The following MAP1A variants were observed in gnomAD, a reference collection of about 807,000 sequenced individuals.
MAP1A encodes microtubule associated protein 1A.
Under a neutral mutation model 185.9 loss-of-function variants are expected in MAP1A, and 42 were observed. That is an observed-to-expected ratio of 0.23 (90% CI 0.18 to 0.29). MAP1A has a LOEUF of 0.29. MAP1A is among the 10% of genes least tolerant of loss of function. The pLI is 1.00. For synonymous variants in MAP1A, 1,229 were observed against 1,335.9 expected (o/e 0.92, Z 1.74); for missense variants, 2,995 against 3,450.4 (o/e 0.87, Z 3.31).
rs779878145 is a variant in MAP1A, at chr15:43,530,397, A to G, written c.*173A>G. ...GAGGGGTTGTCCCTCCCCATCATCC[A>G]TTCCTGTGAGGTGTCTCAAACCAAA... On this transcript the variant is annotated 3_prime_UTR_variant, in exon 6 of 6. Transcript: ENST00000300231. The G allele has an allele frequency of 1.6e-5, 12 of 756,210 alleles. No individual in the cohort carries two copies. The highest frequency in any genetic ancestry group is 2.3e-5 in the Non-Finnish European group (11 of 478,782). 46.8% of individuals were successfully genotyped at this position (756,210 alleles called of 1,614,324 possible). A position where few individuals can be genotyped will look rare whatever the true frequency, so the allele number is the denominator to read the frequency against.
chr15:43,519,112 T>G (rs2079310082), intron 1 of MAP1A, among the ~76,000 whole-genome samples: 1 of 152,186 alleles, frequency 6.6e-6, no homozygotes, highest in African/African-American at 2.4e-5. Flanking sequence ...AGCTCTTGTC[T>G]TTCTAAATCT....
chr15:43,524,266 C>G lies in MAP1A; in HGVS notation c.2793C>G (p.Gly931=), dbSNP rs1316369727. 33 of 1,614,060 alleles carry G rather than the reference C, an allele frequency of 2.0e-5. 1 individual carries two copies. The highest frequency in any genetic ancestry group is 8.3e-5 in the Admixed American group (5 of 59,996). The change falls in exon 4 of 6, where the codon GGC becomes GGG. Residue 931 remains glycine (G), a synonymous_variant. Transcript: ENST00000300231. ...SEKRGEIIGK[G]LSGERAVEEE... is the part of the protein sequence containing the mutation. ...AGAGAGGAGAGATCATAGGGAAAGG[C>G]TTGTCTGGAGAGAGAGCTGTGGAAG...
Position 43,523,524 on chromosome 15 carries a change from A to T in MAP1A, c.2051A>T (p.His684Leu). 1.2e-6 allele frequency: 2 copies of T among 1,614,174 alleles called. No individual in the cohort carries two copies. Among genetic ancestry groups the T allele is most frequent in the Non-Finnish European group, 1.7e-6 (2 of 1,180,014 alleles). Residue 684 changes from histidine to leucine, a missense_variant, in exon 4 of 6, where the codon CAT becomes CTT. Around this residue, in one of 3 missense-constraint regions of MAP1A, gnomAD observed 2,728 missense variants for 2,986.0 expected, o/e 0.91. Coordinates refer to ENST00000300231, the MANE Select transcript of MAP1A (RefSeq NM_002373.6). ...AAAGCTGAGGGTTTTTACCAAAAAC[A>T]TATGCAGGAACCCTTGAAGGTAACT... ...ATKAEGFYQK[H>L]MQEPLKVTPR...
chr15:43,523,576 T>A lies in MAP1A; in HGVS notation c.2103T>A (p.Gly701=). The A allele has an allele frequency of 6.2e-7, 1 of 1,613,914 alleles. No homozygotes were observed. Among genetic ancestry groups the A allele is most frequent in the Non-Finnish European group, 8.5e-7 (1 of 1,179,964 alleles). The change falls in exon 4 of 6, where the codon GGT becomes GGA. Residue 701 remains glycine, a synonymous_variant. Coordinates refer to ENST00000300231, the MANE Select transcript of MAP1A (RefSeq NM_002373.6). The part of the protein sequence containing the change: ...VTPRSREAFG[G]RELGLQGKAP... ...CAAGGAGCCGGGAGGCTTTTGGGGGTCGGGAATTGGGACTCCAGGGCAAGG... is the reference window on the plus strand; with the variant it reads ...CAAGGAGCCGGGAGGCTTTTGGGGGACGGGAATTGGGACTCCAGGGCAAGG...
At position 43,526,953 on chromosome 15, in the gene MAP1A, C is replaced by T. The variant is rs763568155; in HGVS notation, c.5480C>T (p.Pro1827Leu). 2.5e-6 allele frequency: 4 copies of T among 1,613,644 alleles called. No homozygotes were observed. Among genetic ancestry groups the T allele is most frequent in the Non-Finnish European group, 3.4e-6 (4 of 1,179,788 alleles). Residue 1827 changes from proline (P) to leucine (L), a missense_variant, in exon 4 of 6, where the codon CCA becomes CTA. Physicochemically the swap from Pro to Leu is moderately conservative, Grantham distance 98. This residue lies in a region of MAP1A where 2,728 missense variants were observed against 2,986.0 expected (regional missense o/e 0.91). Transcript: ENST00000300231. This position sits in a 1 kb window ranked among gnomAD's most constrained non-coding sequence, Gnocchi z 4.7. ...ESPIPDPKLM[P>L]HMKNEPTTPS... ...CCTATCCCAGACCCTAAGCTCATGC[C>T]ACACATGAAGAATGAACCCACTACT...
rs368929949 is a variant in MAP1A, at chr15:43,526,584, G to A, written c.5111G>A (p.Arg1704Gln). ...TACTGGAGGGAGCTAAGCTGTGAGC[G>A]GAAGGTCTGGTTCCCTCACGAGCTG... is the stretch of plus-strand genomic sequence containing the variant. ...DTYWRELSCE[R>Q]KVWFPHELDG... is the part of the protein sequence containing the mutation. The change falls in exon 4 of 6, where the codon CGG becomes CAG. Residue 1704 changes from arginine to glutamine, a missense_variant. By Grantham distance (43) the Arg-to-Gln change is conservative (BLOSUM62 1). Transcript: ENST00000300231. The surrounding 1 kb of genome is among the most constrained non-coding windows in gnomAD (Gnocchi z 4.7). 59 of 1,614,058 alleles carry A rather than the reference G, an allele frequency of 3.7e-5. No individual in the cohort carries two copies. The South Asian group carries it at 4.6e-4, about 13-fold the overall frequency.
chr15:43,522,765 A>G lies in MAP1A; in HGVS notation c.1292A>G (p.Lys431Arg), dbSNP rs193113360. ...ATCAAAAAGGAGAGGAAAGAGCTCA[A>G]GAAGGATGAAGGAAGGAAGGAGGAG... ...KEIKKERKEL[K>R]KDEGRKEEKK... Residue 431 changes from lysine to arginine, a missense_variant, in exon 4 of 6, where the codon AAG (lysine) becomes AGG (arginine). Physicochemically the swap from Lys to Arg is conservative, Grantham distance 26. This residue lies in a region of MAP1A where 2,728 missense variants were observed against 2,986.0 expected (regional missense o/e 0.91). Transcript: ENST00000300231. This position sits in a 1 kb window ranked among gnomAD's most constrained non-coding sequence, Gnocchi z 5.9. 5,741 of 1,569,532 alleles carry G rather than the reference A, an allele frequency of 3.7e-3. 19 individuals carry two copies. The highest frequency in any genetic ancestry group is 6.1e-3 in the Middle Eastern group (37 of 6,018).
rs935549984 is a variant in MAP1A at position 43,523,391 on chromosome 15, G to A, written c.1918G>A (p.Ala640Thr). Residue 640 changes from alanine (A) to threonine (T), a missense_variant, in exon 4 of 6, where the codon GCC (alanine) becomes ACC (threonine). Transcript: ENST00000300231. The stretch of plus-strand genomic sequence containing the variant: ...AGAGAGGCTCCCAGACAGAACAGAA[G>A]CCAGAGAGGAAAGTGAACCTGAAGT... ...EAERLPDRTE[A>T]REESEPEVKE... The A allele has an allele frequency of 1.2e-6, 2 of 1,612,336 alleles. No homozygotes were observed. Among genetic ancestry groups the A allele is most frequent in the Admixed American group, 3.3e-5 (2 of 59,744 alleles).
chr15:43,525,365 C>T lies in MAP1A; in HGVS notation c.3892C>T (p.Pro1298Ser). 3 of 1,614,104 alleles carry T rather than the reference C, an allele frequency of 1.9e-6. No homozygotes were observed. The highest frequency in any genetic ancestry group is 1.7e-5 in the Admixed American group (1 of 60,022). Residue 1298 changes from proline (P) to serine (S), a missense_variant, in exon 4 of 6, where the codon CCT becomes TCT. Transcript: ENST00000300231. ...SPASSFSHST[P>S]SGNGKYLPGA... ...TGCCAGCTCATTCTCTCACTCTACA[C>T]CTTCAGGAAATGGGAAGTACTTACC... is the stretch of plus-strand genomic sequence containing the variant.
chr15:43,530,328 G>C lies in MAP1A; in HGVS notation c.*104G>C. On this transcript the variant is annotated 3_prime_UTR_variant, in exon 6 of 6. Coordinates refer to ENST00000300231, the MANE Select transcript of MAP1A (RefSeq NM_002373.6). ...GAGGGAGATGGGAGCTAGGGGGAGG[G>C]GAGGGAGATGTCTTGTTGTGGGGAC... is the stretch of plus-strand genomic sequence containing the variant. 1.4e-6 allele frequency: 2 copies of C among 1,425,178 alleles called. No individual in the cohort carries two copies. Among genetic ancestry groups the C allele is most frequent in the Non-Finnish European group, 1.9e-6 (2 of 1,046,054 alleles). The allele number at this position is 1,425,178 out of a possible 1,614,324, so 88.3% of individuals were successfully genotyped here. A position where few individuals can be genotyped will look rare whatever the true frequency, so the allele number is the denominator to read the frequency against.
At chr15:43,514,350 A>T (rs2079291291), upstream of MAP1A, among the ~76,000 whole-genome samples, 1 of 152,200 alleles carries the variant, frequency 6.6e-6, no homozygotes, top group Admixed American at 6.5e-5. Flanking sequence ...CTCCTCTTTC[A>T]GCTGTCCCCA....
Position 43,521,642 on chromosome 15 carries a change from G to A in MAP1A, c.169G>A (p.Gly57Ser). Residue 57 changes from glycine (G) to serine (S), a missense_variant, in exon 4 of 6, where the codon GGT becomes AGT. Around this residue, in one of 3 missense-constraint regions of MAP1A, gnomAD observed 264 missense variants for 435.3 expected, o/e 0.61. Transcript: ENST00000300231. The surrounding 1 kb of genome is among the most constrained non-coding windows in gnomAD (Gnocchi z 4.6). ...GGACTCTGCCCTCTTTGCTGTCAAT[G>A]GTTTCAACATCCTGGTGGATGGTGG... ...RGDSALFAVNGFNILVDGGSD... is the reference protein window; with the variant it reads ...RGDSALFAVNSFNILVDGGSD... 1 of 1,614,084 alleles carries A rather than the reference G, an allele frequency of 6.2e-7. No individual in the cohort carries two copies. Among genetic ancestry groups the A allele is most frequent in the East Asian group, 2.2e-5 (1 of 44,880 alleles).
In MAP1A at chr15:43,520,964, C is replaced by T. The variant is rs1321589991; in HGVS notation, c.-291-8C>T. ...ATATCTGTGACCACTCCCCTTCTTC[C>T]ATTCCAGGTTCATCATCTTCTTAGC... On this transcript the variant is annotated splice_region_variant and splice_polypyrimidine_tract_variant and intron_variant, in intron 2 of 5. Coordinates refer to ENST00000300231, the MANE Select transcript of MAP1A (RefSeq NM_002373.6). 4.5e-6 allele frequency: 7 copies of T among 1,549,116 alleles called. No individual in the cohort carries two copies. The highest frequency in any genetic ancestry group is 5.2e-6 in the Non-Finnish European group (6 of 1,146,164).
chr15:43,518,998 T>C (rs1041960907), intron 1 of MAP1A, among the ~76,000 whole-genome samples: 4 of 152,090 alleles, frequency 2.6e-5, no homozygotes, highest in African/African-American at 7.2e-5. Context: ...TGAGGAATGG[T>C]TGGGGGCAGG....
rs2079346310 is a variant in MAP1A at position 43,526,862 on chromosome 15, T to C, written c.5389T>C (p.Ser1797Pro). 1 of 1,613,856 alleles carries C rather than the reference T, an allele frequency of 6.2e-7. No individual in the cohort carries two copies. Among genetic ancestry groups the C allele is most frequent in the African/African-American group, 1.3e-5 (1 of 74,836 alleles). Residue 1797 changes from serine to proline, a missense_variant, in exon 4 of 6, where the codon TCC (serine) becomes CCC (proline). By Grantham distance (74) the Ser-to-Pro change is moderately conservative. Coordinates refer to ENST00000300231, the MANE Select transcript of MAP1A (RefSeq NM_002373.6). The surrounding 1 kb of genome is among the most constrained non-coding windows in gnomAD (Gnocchi z 4.7). The part of the protein sequence containing the change: ...KLTRSPFEII[S>P]PPASPPEMVG... ...GACCCGCTCTCCCTTTGAGATCATC[T>C]CCCCTCCAGCTTCCCCACCTGAGAT... is the stretch of plus-strand genomic sequence containing the variant.
At chr15:43,513,239 A>C (rs1177817220), upstream of MAP1A, among the ~76,000 whole-genome samples, 1 of 152,112 alleles carries the variant, frequency 6.6e-6, no homozygotes, top group African/African-American at 2.4e-5. Context: ...AGGCAGGAGA[A>C]TCGCTTGAAC....
In MAP1A at chr15:43,522,091, C is replaced by T. The variant is rs749586688; in HGVS notation, c.618C>T (p.Val206=). The T allele has an allele frequency of 6.2e-7, 1 of 1,614,220 alleles. No individual in the cohort carries two copies. The highest frequency in any genetic ancestry group is 1.1e-5 in the South Asian group (1 of 91,080). ...GRLDMYVLNP[V]KDSKEMQFLM... ...TGGACATGTATGTCCTCAACCCTGT[C>T]AAGGACAGCAAGGAGATGCAGTTCC... Residue 206 remains valine, a synonymous_variant, in exon 4 of 6, where the codon GTC becomes GTT. Transcript: ENST00000300231. The surrounding 1 kb of genome is among the most constrained non-coding windows in gnomAD (Gnocchi z 5.9).
Position 43,523,120 on chromosome 15 carries a change from A to G in MAP1A, c.1647A>G (p.Gln549=), listed in dbSNP as rs760639503. The G allele has an allele frequency of 9.3e-6, 15 of 1,614,004 alleles. No homozygotes were observed. The South Asian group carries it at 1.5e-4, about 17-fold the overall frequency. The change falls in exon 4 of 6, where the codon CAA becomes CAG. Residue 549 remains glutamine, a synonymous_variant. Coordinates refer to ENST00000300231, the MANE Select transcript of MAP1A (RefSeq NM_002373.6). ...AGGAGAGGGCTTTGCTGGCTGAACA[A>G]AGGGACACAGGACTAGGAGATAAGC... The part of the protein sequence containing the change: ...KREERALLAE[Q]RDTGLGDKPF...
Position 43,527,777 on chromosome 15 carries a change from G to T in MAP1A, c.6304G>T (p.Asp2102Tyr). The T allele has an allele frequency of 6.2e-7, 1 of 1,613,826 alleles. No individual in the cohort carries two copies. The highest frequency in any genetic ancestry group is 8.5e-7 in the Non-Finnish European group (1 of 1,179,912). ...SPKESGRSHW[D>Y]DSTSDSELEK... ...CAAGGAATCAGGCCGGAGTCACTGGGATGACAGCACTAGTGACTCAGAACT... is the reference window on the plus strand; with the variant it reads ...CAAGGAATCAGGCCGGAGTCACTGGTATGACAGCACTAGTGACTCAGAACT... The change falls in exon 4 of 6, where the codon GAT becomes TAT. Residue 2102 changes from aspartate (D) to tyrosine (Y), a missense_variant. By Grantham distance (160) the Asp-to-Tyr change is radical (BLOSUM62 -3). This residue lies in a region of MAP1A where 2,728 missense variants were observed against 2,986.0 expected (regional missense o/e 0.91). Transcript: ENST00000300231.
Sources: allele counts gnomAD v4.1 joint callset (sites outside exome capture counted in the v4.1 genomes callset), GRCh38; gene constraint gnomAD v4.1.1; regional missense constraint gnomAD v4.1.1; non-coding constraint Gnocchi (gnomAD v3.1); transcripts MANE v1.5; gene names NCBI Gene and HGNC (gene_info 2026-07-23, HGNC 2026-07-21).